The following FGF13 variants were observed in gnomAD, a reference collection of about 807,000 sequenced individuals.
The protein encoded by FGF13 is fibroblast growth factor homologous factor 2.
A neutral mutation model predicts 19.5 loss-of-function variants in FGF13; 2 were observed. The ratio of observed to expected loss-of-function variants is 0.10; its 90% CI spans 0.04 to 0.32. FGF13 has a LOEUF of 0.32. Among genes scored for constraint, FGF13 ranks in the 10% least tolerant of loss-of-function variants. The probability of loss-of-function intolerance (pLI) is 1.00; values close to 1 mark genes in which losing one functional copy is unlikely to be tolerated. For synonymous variants in FGF13, 72 were observed against 76.9 expected, an observed-to-expected ratio of 0.94 and a Z score of 0.33; for missense variants, 113 against 192.7, an observed-to-expected ratio of 0.59 and a Z score of 2.45.
chrX:138,960,879 C>T (rs1009922530), intron 1 of FGF13, among the ~76,000 whole-genome samples: 1 of 111,837 alleles, frequency 8.9e-6, no homozygotes, highest in South Asian at 3.8e-4. Context: ...AAGGTCTTCT[C>T]TATGCTGTTT....
chrX:138,675,470 T>C (rs1014581317), intron 3 of FGF13, among the ~76,000 whole-genome samples: 1 of 111,703 alleles, frequency 9.0e-6, no homozygotes, highest in Non-Finnish European at 1.9e-5. Flanking sequence ...CTGCCACATT[T>C]TTAACTCTAC....
chrX:138,857,945 T>G (rs2091268021), intron 2 of FGF13, among the ~76,000 whole-genome samples: 1 of 112,433 alleles, frequency 8.9e-6, no homozygotes, highest in Non-Finnish European at 1.9e-5. Context: ...TGCAAAAACG[T>G]ATTTTAATAT....
At position 139,156,091 on chromosome X, in the gene FGF13, G is replaced by T. The variant is rs7883368; in HGVS notation, c.-113+47325C>A. Among the ~76,000 whole-genome samples, 514 of 111,990 alleles carry T rather than the reference G, an allele frequency of 4.6e-3. 4 individuals are homozygous for T. Among genetic ancestry groups the T allele is most frequent in the African/African-American group, 0.016 (495 of 30,759 alleles). On this transcript the variant is annotated intron_variant, in intron 1 of 2. Coordinates refer to the FGF13 transcript ENST00000421460. ...GGCTTCAAGTTTATACAATTTCAGA[G>T]ACTCTTTTTAGGAATGGAATACAAA...
At chrX:138,829,383 A>C (rs776153293) in intron 3 of FGF13, among the ~76,000 whole-genome samples, 1 of 110,594 alleles carries the variant, frequency 9.0e-6, no homozygotes, top group Admixed American at 9.6e-5. Flanking sequence ...GGTTGTTATA[A>C]ATAGCCTGGC....
chrX:138,778,332 C>G (rs1383820421), intron 3 of FGF13, among the ~76,000 whole-genome samples: 1 of 111,576 alleles, frequency 9.0e-6, no homozygotes, highest in East Asian at 2.8e-4. Context: ...CGAATAGGAA[C>G]AGCTCCGGTC....
intron 3 of FGF13, among the ~76,000 whole-genome samples, chrX:138,772,020 A>ATG (rs1569389287): frequency 6.6e-4 from 9 of 13,551 alleles, no homozygotes; most frequent in African/African-American, 5.4e-3. Flanking sequence ...ACATATGTGT[A>ATG]TATATATATA....
chrX:138,881,357 T>C (rs889929915), intron 1 of FGF13, among the ~76,000 whole-genome samples: 11 of 111,974 alleles, frequency 9.8e-5, no homozygotes, highest in African/African-American at 3.2e-4. Context: ...CATAGTATTA[T>C]GTCACATGCA....
chrX:139,042,369 G>A, intron 1 of FGF13, among the ~76,000 whole-genome samples: 1 of 111,651 alleles, frequency 9.0e-6, no homozygotes, highest in Non-Finnish European at 1.9e-5. Context: ...TGCTGTGTTG[G>A]TATATAATAT....
In FGF13 at chrX:139,037,941, T is replaced by C. The variant is rs185280428; in HGVS notation, c.-113+165475A>G. Among the ~76,000 whole-genome samples, 36 of 111,705 alleles carry C rather than the reference T, an allele frequency of 3.2e-4. No individual in the cohort carries two copies. The East Asian group carries it at 7.4e-3, about 23-fold the overall frequency. On this transcript the variant is annotated intron_variant, in intron 1 of 2. Transcript: ENST00000421460. The stretch of plus-strand genomic sequence containing the variant: ...ATACTCCACCCCTCTCCACATTCTG[T>C]GTGCCCCAGAAGACTGATCTCTACA...
At chrX:139,134,386 C>A (rs190780276) in intron 1 of FGF13, among the ~76,000 whole-genome samples, 27 of 111,972 alleles carry the variant, frequency 2.4e-4, no homozygotes, top group African/African-American at 8.4e-4. Context: ...GAAATCAGGT[C>A]TCTCTTGCCA....
At chrX:138,917,966 A>T (rs1488285294) in intron 1 of FGF13, among the ~76,000 whole-genome samples, 1 of 111,403 alleles carries the variant, frequency 9.0e-6, no homozygotes, top group Non-Finnish European at 1.9e-5. Context: ...GATGAATCTG[A>T]AAGGAATGTC....
chrX:139,165,285 A>G (rs1217886835), intron 1 of FGF13, among the ~76,000 whole-genome samples: 1 of 112,227 alleles, frequency 8.9e-6, no homozygotes, highest in Non-Finnish European at 1.9e-5. Flanking sequence ...ATGATTGGCT[A>G]CTTTTAACCA....
chrX:138,632,807 G>A lies in FGF13; in HGVS notation c.*43C>T. On this transcript the variant is annotated 3_prime_UTR_variant, in exon 5 of 5. Coordinates refer to ENST00000315930, the MANE Select transcript of FGF13 (RefSeq NM_004114.5). ...TGCTAGAAGAATTCAACAGCACCTG[G>A]AGGTAAGGTTCTGTTACAGAGCCCT... 8.5e-7 allele frequency: 1 copy of A among 1,174,951 alleles called. No individual in the cohort carries two copies. The highest frequency in any genetic ancestry group is 1.1e-6 in the Non-Finnish European group (1 of 871,535).
chrX:139,003,964 C>T (rs77095077), intron 1 of FGF13, among the ~76,000 whole-genome samples: 1 of 112,595 alleles, frequency 8.9e-6, no homozygotes, highest in Non-Finnish European at 1.9e-5. Context: ...GTGGCTTCAC[C>T]GAGTGGATCC....
At chrX:138,749,893 G>T (rs780715768) in intron 3 of FGF13, among the ~76,000 whole-genome samples, 1 of 112,017 alleles carries the variant, frequency 8.9e-6, no homozygotes, top group African/African-American at 3.2e-5. Flanking sequence ...GCAAGGGAGA[G>T]ACTTGGTCAG....
chrX:138,792,706 A>G (rs1010506128), intron 3 of FGF13, among the ~76,000 whole-genome samples: 3 of 111,197 alleles, frequency 2.7e-5, no homozygotes, highest in African/African-American at 9.8e-5. Context: ...ATGAGTGAGG[A>G]GTGATATTTT....
intron 1 of FGF13, among the ~76,000 whole-genome samples, chrX:139,080,493 A>G (rs1233639104): frequency 8.9e-6 from 1 of 112,022 alleles, no homozygotes; most frequent in African/African-American, 3.2e-5. Flanking sequence ...GTTTGTATAC[A>G]TCCTCAATTC....
chrX:138,870,100 A>G (rs930113709), intron 1 of FGF13, among the ~76,000 whole-genome samples: 4 of 112,064 alleles, frequency 3.6e-5, no homozygotes, highest in African/African-American at 1.3e-4. Flanking sequence ...CAACACTTAT[A>G]TGTAACTCCC....
chrX:138,953,104 T>A (rs1382527417), intron 1 of FGF13, among the ~76,000 whole-genome samples: 3 of 111,450 alleles, frequency 2.7e-5, no homozygotes, highest in African/African-American at 9.8e-5. Flanking sequence ...TTATAAATCA[T>A]GCTGCTATAA....
Sources: gnomAD v4.1 joint callset for allele counts (sites outside exome capture counted in the v4.1 genomes callset) on GRCh38, gnomAD v4.1.1 for gene constraint, MANE v1.5 for transcripts, NCBI Gene and HGNC (gene_info 2026-07-23, HGNC 2026-07-21) for gene names.